The following ATP11A variants were observed in gnomAD, a reference collection of about 807,000 sequenced individuals.
ATP11A encodes the protein ATPase phospholipid transporting 11A.
A neutral mutation model predicts 154.4 loss-of-function variants in ATP11A; 81 were observed. That is an observed-to-expected ratio of 0.52 (90% confidence interval 0.44 to 0.63). The LOEUF (loss-of-function observed/expected upper bound fraction) is 0.63. ATP11A is among the 30% of genes least tolerant of loss of function. The pLI is 0.00. For synonymous variants in ATP11A, 623 were observed against 585.9 expected (o/e 1.06, Z -0.91); for missense variants, 1,316 against 1,474.3 (o/e 0.89, Z 1.76).
intron 1 of ATP11A, among the ~76,000 whole-genome samples, chr13:112,702,070 G>T (rs1886616075): frequency 6.6e-6 from 1 of 151,972 alleles, no homozygotes; most frequent in South Asian, 2.1e-4. Flanking sequence ...GTACAGCCTG[G>T]TGCGATGGGT....
In ATP11A at chr13:112,723,460, C is replaced by T. The variant is rs192556974; in HGVS notation, c.39+33005C>T. Among the ~76,000 whole-genome samples the T allele has an allele frequency of 1.4e-3, 213 of 148,930 alleles. 2 individuals are homozygous for T. The highest frequency in any genetic ancestry group is 2.0e-3 in the Non-Finnish European group (133 of 67,456). On this transcript the variant is annotated intron_variant, in intron 1 of 29. Coordinates refer to ENST00000375645, the MANE Select transcript of ATP11A (RefSeq NM_015205.3). ...CTAACTTTTGTACTTTTAGTAGAGA[C>T]GGGGTTTCACAATGTCGGCCAGGCT...
chr13:112,751,260 C>T lies in ATP11A; in HGVS notation c.40-33875C>T, dbSNP rs141086671. On this transcript the variant is annotated intron_variant, in intron 1 of 29. Coordinates refer to ENST00000375645, the MANE Select transcript of ATP11A (RefSeq NM_015205.3). ...TGTTTGTTTACTGCTAAATTGCCAC[C>T]GTACGTTTTTCTTCCATGAACAGCC... 8.1e-4 allele frequency among the ~76,000 whole-genome samples: 124 copies of T among 152,314 alleles called. 1 individual carries two copies. The highest frequency in any genetic ancestry group is 1.7e-3 in the Admixed American group (26 of 15,302).
chr13:112,690,508 C>T lies in ATP11A; in HGVS notation c.39+53C>T, dbSNP rs1387512137. ...ACCCGGGGACCAGACAGACGCGGGC[C>T]GGCCCCGCAGCCCGGACCCTGTGGC... On this transcript the variant is annotated intron_variant, in intron 1 of 29. Transcript: ENST00000375645. This position sits in a 1 kb window ranked among gnomAD's most constrained non-coding sequence, Gnocchi z 5.6. 2 of 1,274,368 alleles carry T rather than the reference C, an allele frequency of 1.6e-6. No homozygotes were observed. Among genetic ancestry groups the T allele is most frequent in the African/African-American group, 1.5e-5 (1 of 65,280 alleles). 78.9% of individuals were successfully genotyped at this position (1,274,368 alleles called of 1,614,324 possible).
At position 112,882,033 on chromosome 13, in the gene ATP11A, G is replaced by T; in HGVS notation, c.*167G>T. 7.3e-7 allele frequency: 1 copy of T among 1,367,780 alleles called. No homozygotes were observed. The highest frequency in any genetic ancestry group is 9.8e-7 in the Non-Finnish European group (1 of 1,021,976). The allele number at this position is 1,367,780 out of a possible 1,614,324, so 84.7% of individuals were successfully genotyped here. A position where few individuals can be genotyped will look rare whatever the true frequency, so the allele number is the denominator to read the frequency against. ...TGCAGTTCCATCCCAAGTCACAGCT[G>T]CCCTAGGTCCCGTGTGGGAATGCTC... On this transcript the variant is annotated 3_prime_UTR_variant, in exon 30 of 30. Coordinates refer to ENST00000375645, the MANE Select transcript of ATP11A (RefSeq NM_015205.3). This position sits in a 1 kb window ranked among gnomAD's most constrained non-coding sequence, Gnocchi z 5.1.
intron 1 of ATP11A, among the ~76,000 whole-genome samples, chr13:112,728,846 CAG>C (rs1269950904): frequency 6.6e-6 from 1 of 152,102 alleles, no homozygotes; most frequent in Non-Finnish European, 1.5e-5. Flanking sequence ...GATATACAAA[CAG>C]TTCAAAATTC....
rs1431871196 is a variant in ATP11A at position 112,825,460 on chromosome 13, C to T, written c.903C>T (p.Leu301=). ...KSMNAFLIVY[L]CILISKALIN... is the part of the protein sequence containing the mutation. Reference sequence around the variant, plus strand: ...TGAATGCGTTCCTCATTGTGTATCTCTGCATTCTGATCAGCAAAGCCCTGA... The same window carrying T: ...TGAATGCGTTCCTCATTGTGTATCTTTGCATTCTGATCAGCAAAGCCCTGA... Residue 301 remains leucine (L), a synonymous_variant, in exon 11 of 30, where the codon CTC becomes CTT. Coordinates refer to ENST00000375645, the MANE Select transcript of ATP11A (RefSeq NM_015205.3). The T allele has an allele frequency of 6.2e-7, 1 of 1,613,434 alleles. No individual in the cohort carries two copies. The highest frequency in any genetic ancestry group is 8.5e-7 in the Non-Finnish European group (1 of 1,179,736).
intron 14 of ATP11A, among the ~76,000 whole-genome samples, chr13:112,834,149 C>G (rs148441099): frequency 7.2e-5 from 11 of 152,372 alleles, no homozygotes; most frequent in African/African-American, 2.6e-4. Context: ...GCTGGACCTT[C>G]GTTCCCCGTC....
intron 29 of ATP11A, chr13:112,880,672 C>A: frequency 7.8e-7 from 1 of 1,279,204 alleles, no homozygotes; most frequent in Non-Finnish European, 1.0e-6. Flanking sequence ...CTGCTGGACG[C>A]CGCCCGTGTG....
intron 17 of ATP11A, 27 bp downstream of exon 17, chr13:112,842,406 G>A (rs367589306): frequency 1.6e-5 from 24 of 1,520,084 alleles, no homozygotes; most frequent in African/African-American, 2.7e-5. Flanking sequence ...GGAGGGCCTC[G>A]TGGCGGTCAG....
chr13:112,698,429 T>C (rs930012157), intron 1 of ATP11A, among the ~76,000 whole-genome samples: 1 of 152,200 alleles, frequency 6.6e-6, no homozygotes, highest in Admixed American at 6.5e-5. Context: ...GCTGCATGCT[T>C]TTGTCCCATG....
In ATP11A at chr13:112,851,033, G is replaced by T. The variant is rs755509066; in HGVS notation, c.1810-4G>T. 6 of 1,613,232 alleles carry T rather than the reference G, an allele frequency of 3.7e-6. No homozygotes were observed. The highest frequency in any genetic ancestry group is 2.2e-5 in the East Asian group (1 of 44,870). ...CGTGCTAAACGCTGCATTGTGTTCTGCAGGAGGGGCTCCGAACTTTGTGTG... is the reference window on the plus strand; with the variant it reads ...CGTGCTAAACGCTGCATTGTGTTCTTCAGGAGGGGCTCCGAACTTTGTGTG... On this transcript the variant is annotated splice_region_variant and splice_polypyrimidine_tract_variant and intron_variant, in intron 17 of 29. Transcript: ENST00000375645.
chr13:112,761,919 G>T (rs992777012), intron 1 of ATP11A, among the ~76,000 whole-genome samples: 1 of 152,176 alleles, frequency 6.6e-6, no homozygotes, highest in Non-Finnish European at 1.5e-5. Context: ...CCTCCCCAGG[G>T]ACATTTTGGC....
intron 5 of ATP11A, among the ~76,000 whole-genome samples, 172 bp from the exon 6 acceptor site, chr13:112,815,911 T>C (rs764152853): frequency 6.6e-6 from 1 of 152,166 alleles, no homozygotes; most frequent in Non-Finnish European, 1.5e-5. Flanking sequence ...CCTGACCTGG[T>C]CTTTCCTTGG....
chr13:112,866,563 A>G (rs905584625), intron 25 of ATP11A, among the ~76,000 whole-genome samples: 2 of 151,000 alleles, frequency 1.3e-5, no homozygotes, highest in Non-Finnish European at 2.9e-5. Context: ...CCCTGCTTAA[A>G]TGCCTCAGGT....
rs1029589391 is a variant in ATP11A at position 112,885,385 on chromosome 13, T to A, written c.*3519T>A. The A allele has an allele frequency of 6.6e-6, 1 of 152,182 alleles. No homozygotes were observed. Among genetic ancestry groups the A allele is most frequent in the South Asian group, 2.1e-4 (1 of 4,830 alleles). The allele number at this position is 152,182 out of a possible 1,614,324, so 9.4% of individuals were successfully genotyped here. ...GTACATTCACTACAAACGTGCAGCC[T>A]CCTGCACACGTGCACATTCATGTGT... On this transcript the variant is annotated 3_prime_UTR_variant, in exon 30 of 30. Transcript: ENST00000375645.
chr13:112,760,746 A>G (rs1179173759), intron 1 of ATP11A, among the ~76,000 whole-genome samples: 1 of 152,210 alleles, frequency 6.6e-6, no homozygotes, highest in Non-Finnish European at 1.5e-5. Flanking sequence ...AGTTCTGCCA[A>G]TAAATATTTA....
intron 12 of ATP11A, among the ~76,000 whole-genome samples, chr13:112,829,294 A>T (rs1037032146): frequency 6.6e-6 from 1 of 152,236 alleles, no homozygotes; most frequent in African/African-American, 2.4e-5. Context: ...AGAAAATTGC[A>T]GGCCAGGACC....
At chr13:112,803,410 C>T (rs545680329) in intron 2 of ATP11A, among the ~76,000 whole-genome samples, 51 of 152,292 alleles carry the variant, frequency 3.3e-4, no homozygotes, top group Admixed American at 9.2e-4. Flanking sequence ...AACCCACCTT[C>T]GAATGGGATT....
At chr13:112,881,146 G>A (rs562608755) in intron 29 of ATP11A, 14 of 987,110 alleles carry the variant, frequency 1.4e-5, no homozygotes, top group East Asian at 1.1e-4. Context: ...AGCATCCGCC[G>A]CTGCCCCCTG....
Sources: gnomAD v4.1 joint callset for allele counts (sites outside exome capture counted in the v4.1 genomes callset) on GRCh38, gnomAD v4.1.1 for gene constraint, Gnocchi (gnomAD v3.1) non-coding constraint, MANE v1.5 for transcripts, NCBI Gene and HGNC (gene_info 2026-07-23, HGNC 2026-07-21) for gene names.